Variants in SLC44A1 observed in about 807,000 individuals in gnomAD.
The protein encoded by SLC44A1 is solute carrier family 44 member 1.
In SLC44A1, 26 loss-of-function variants were observed where a neutral mutation model predicts 79.3. That is an observed-to-expected ratio of 0.33 (90% CI 0.24 to 0.46). SLC44A1 has a LOEUF of 0.46. Among genes scored for constraint, SLC44A1 ranks in the 20% least tolerant of loss-of-function variants. SLC44A1 has a pLI of 1.00. For synonymous variants in SLC44A1, 263 were observed against 286.2 expected, an observed-to-expected ratio of 0.92 and a Z score of 0.82; for missense variants, 688 against 798.1, an observed-to-expected ratio of 0.86 and a Z score of 1.66.
chr9:105,297,856 C>T (rs1830768658), intron 1 of SLC44A1, among the ~76,000 whole-genome samples: 1 of 152,164 alleles, frequency 6.6e-6, no homozygotes, highest in African/African-American at 2.4e-5. Flanking sequence ...GCCCTTTCCT[C>T]CTGACAAGAC....
chr9:105,375,968 A>C lies in SLC44A1; in HGVS notation c.1632+1233A>C, dbSNP rs182017616. Among the ~76,000 whole-genome samples, 24 of 151,828 alleles carry C rather than the reference A, an allele frequency of 1.6e-4. No homozygotes were observed. In the East Asian group the frequency reaches 4.6e-3, roughly 29 times the overall value. Reference sequence around the variant, plus strand: ...GCATACGTACCTGTTTGTCCCGCCCATTTCTCTTTACATTACATCATATAC... The same window carrying C: ...GCATACGTACCTGTTTGTCCCGCCCCTTTCTCTTTACATTACATCATATAC... On this transcript the variant is annotated intron_variant, in intron 13 of 15. Coordinates refer to ENST00000374720, the MANE Select transcript of SLC44A1 (RefSeq NM_080546.5).
intron 15 of SLC44A1, among the ~76,000 whole-genome samples, chr9:105,405,408 G>T (rs905013747): frequency 2.8e-5 from 4 of 141,432 alleles, no homozygotes; most frequent in Non-Finnish European, 4.9e-5. Flanking sequence ...CAAAAACGAT[G>T]ATCAAATTGA....
intron 1 of SLC44A1, among the ~76,000 whole-genome samples, chr9:105,296,637 C>G (rs886261246): frequency 6.6e-6 from 1 of 152,060 alleles, no homozygotes; most frequent in Non-Finnish European, 1.5e-5. Context: ...ATAGAGTAAA[C>G]GTAATGAATA....
At chr9:105,311,969 C>A (rs778584918) in intron 3 of SLC44A1, among the ~76,000 whole-genome samples, 1 of 152,134 alleles carries the variant, frequency 6.6e-6, no homozygotes, top group Non-Finnish European at 1.5e-5. Context: ...TTTCCTCGTA[C>A]TTCTTTGCTT....
chr9:105,339,306 G>A (rs1195754534), intron 4 of SLC44A1, among the ~76,000 whole-genome samples: 1 of 152,026 alleles, frequency 6.6e-6, no homozygotes, highest in Non-Finnish European at 1.5e-5. Context: ...ACCGTTGATG[G>A]GAATGTAAAA....
In SLC44A1 at chr9:105,396,111, C is replaced by A; in HGVS notation, c.*7055C>A. 3.0e-6 allele frequency: 3 copies of A among 985,256 alleles called. No homozygotes were observed. Among genetic ancestry groups the A allele is most frequent in the Non-Finnish European group, 2.4e-6 (2 of 829,914 alleles). The allele number at this position is 985,256 out of a possible 1,614,324, so 61.0% of individuals were successfully genotyped here. A position where few individuals can be genotyped will look rare whatever the true frequency, so the allele number is the denominator to read the frequency against. On this transcript the variant is annotated 3_prime_UTR_variant, in exon 16 of 16. Coordinates refer to ENST00000374720, the MANE Select transcript of SLC44A1 (RefSeq NM_080546.5). Reference sequence around the variant, plus strand: ...GAGATGATCACATGGGGACAGTTAACTTTTCTTCTGCTGTGTTGCCTTAAT... The same window carrying A: ...GAGATGATCACATGGGGACAGTTAAATTTTCTTCTGCTGTGTTGCCTTAAT...
Position 105,396,632 on chromosome 9 carries a change from T to A in SLC44A1, c.*7576T>A. 1.0e-6 allele frequency: 1 copy of A among 985,266 alleles called. No homozygotes were observed. The highest frequency in any genetic ancestry group is 1.2e-6 in the Non-Finnish European group (1 of 829,898). 61.0% of individuals were successfully genotyped at this position (985,266 alleles called of 1,614,324 possible). A position where few individuals can be genotyped will look rare whatever the true frequency, so the allele number is the denominator to read the frequency against. ...GGGTGATATGAGCAGAAAACACACA[T>A]CGGTGTGTCTTGATTTCTCGCAGCT... On this transcript the variant is annotated 3_prime_UTR_variant, in exon 16 of 16. Transcript: ENST00000374720.
At chr9:105,304,548 A>G (rs1447683287) in intron 2 of SLC44A1, among the ~76,000 whole-genome samples, 1 of 152,122 alleles carries the variant, frequency 6.6e-6, no homozygotes, top group Non-Finnish European at 1.5e-5. Flanking sequence ...TAGTAAACCA[A>G]ACAGGTGTGA....
At chr9:105,285,888 C>T (rs887371817) in intron 1 of SLC44A1, among the ~76,000 whole-genome samples, 1 of 152,144 alleles carries the variant, frequency 6.6e-6, no homozygotes, top group African/African-American at 2.4e-5. Flanking sequence ...TTAGCTTGGG[C>T]TCAGAGGCCT....
At chr9:105,266,458 A>G (rs1004971722) in intron 1 of SLC44A1, among the ~76,000 whole-genome samples, 2 of 152,170 alleles carry the variant, frequency 1.3e-5, no homozygotes, top group East Asian at 1.9e-4. Flanking sequence ...ACTTAGGTCT[A>G]TTATCCATTT....
chr9:105,318,828 C>A (rs1225539341), intron 3 of SLC44A1, among the ~76,000 whole-genome samples: 3 of 151,594 alleles, frequency 2.0e-5, no homozygotes, highest in African/African-American at 7.3e-5. Context: ...GACATGTATG[C>A]AGCTAGGCGG....
At chr9:105,361,355 T>G in intron 8 of SLC44A1, 25 bp downstream of exon 8, 1 of 1,556,312 alleles carries the variant, frequency 6.4e-7, no homozygotes, top group Non-Finnish European at 8.7e-7. Flanking sequence ...TGGCGTGTCT[T>G]TCGGTTTTGT....
At chr9:105,351,630 A>AAG (rs372812083) in intron 5 of SLC44A1, among the ~76,000 whole-genome samples, 2 of 38,132 alleles carry the variant, frequency 5.2e-5, no homozygotes, top group Non-Finnish European at 1.2e-4. Context: ...AAGAGAGAGA[A>AAG]AGAGAAAGAA....
intron 3 of SLC44A1, among the ~76,000 whole-genome samples, chr9:105,315,274 T>G (rs376526577): frequency 0.074 from 9,908 of 134,546 alleles, 848 homozygotes; most frequent in African/African-American, 0.28. Flanking sequence ...TTTGTTTGTT[T>G]TTTTTTTTTT....
chr9:105,386,477 A>G (rs764136887), intron 15 of SLC44A1: 3 of 977,232 alleles, frequency 3.1e-6, no homozygotes, highest in Non-Finnish European at 3.6e-6. Context: ...AAATGATTTG[A>G]TTTATAGCAA....
chr9:105,378,757 T>C (rs550560514), intron 13 of SLC44A1, among the ~76,000 whole-genome samples: 1 of 152,284 alleles, frequency 6.6e-6, no homozygotes, highest in Admixed American at 6.5e-5. Flanking sequence ...GGTCATAGAA[T>C]ACAGTAAATC....
At position 105,391,403 on chromosome 9, in the gene SLC44A1, A is replaced by G. The variant is rs1828759755; in HGVS notation, c.*2347A>G. ...TACAAATAAATTTTGTTTTACTAAC[A>G]TTGTGTTTAGAAATTATAATCTATG... On this transcript the variant is annotated 3_prime_UTR_variant, in exon 16 of 16. Transcript: ENST00000374720. The G allele has an allele frequency of 3.0e-6, 3 of 985,182 alleles. No individual in the cohort carries two copies. Among genetic ancestry groups the G allele is most frequent in the Non-Finnish European group, 3.6e-6 (3 of 829,306 alleles). 61.0% of individuals were successfully genotyped at this position (985,182 alleles called of 1,614,324 possible).
chr9:105,329,434 G>C (rs1031708359), intron 3 of SLC44A1, among the ~76,000 whole-genome samples: 3 of 152,112 alleles, frequency 2.0e-5, no homozygotes, highest in African/African-American at 7.2e-5. Context: ...TCTAGTATCT[G>C]CTTGCCACCT....
chr9:105,316,433 T>C (rs1831327846), intron 3 of SLC44A1, among the ~76,000 whole-genome samples: 1 of 152,194 alleles, frequency 6.6e-6, no homozygotes, highest in Admixed American at 6.5e-5. Context: ...TATTTATAAA[T>C]GTAAAAATAT....
Sources: gnomAD v4.1 joint callset for allele counts (sites outside exome capture counted in the v4.1 genomes callset) on GRCh38, gnomAD v4.1.1 for gene constraint, MANE v1.5 for transcripts, NCBI Gene and HGNC (gene_info 2026-07-23, HGNC 2026-07-21) for gene names.